The following RPS6KC1 variants were observed in gnomAD, a reference collection of about 807,000 sequenced individuals.
RPS6KC1 encodes ribosomal protein S6 kinase C1, also known as inactive ribosomal protein S6 kinase delta-1.
Under a neutral mutation model 103.8 loss-of-function variants are expected in RPS6KC1, and 54 were observed. The ratio of observed to expected loss-of-function variants is 0.52; its 90% CI spans 0.42 to 0.65. The LOEUF is 0.65. RPS6KC1 is among the 30% of genes least tolerant of loss of function. RPS6KC1 has a pLI of 0.00. For missense variants in RPS6KC1, 1,151 were observed against 1,253.8 expected, an observed-to-expected ratio of 0.92 and a Z score of 1.24; for synonymous variants, 439 against 438.7, an observed-to-expected ratio of 1.00 and a Z score of -0.01.
chr1:213,445,926 C>A, the RPS6KC1 span, among the ~76,000 whole-genome samples: 1 of 152,124 alleles, frequency 6.6e-6, no homozygotes, highest in Non-Finnish European at 1.5e-5. Context: ...CCCTGTGCAC[C>A]GAGGAAGCTG....
At position 213,147,486 on chromosome 1, in the gene RPS6KC1, G is replaced by T. The variant is rs142054632; in HGVS notation, c.835+17597G>T. Among the ~76,000 whole-genome samples, 9 of 152,258 alleles carry T rather than the reference G, an allele frequency of 5.9e-5. No homozygotes were observed. The East Asian group carries it at 1.7e-3, about 29-fold the overall frequency. Reference sequence around the variant, plus strand: ...TTCAGTGTATGTTCTTGGCACCTTTGTCGAAAATGAGTTCACTGTAGGTGT... The same window carrying T: ...TTCAGTGTATGTTCTTGGCACCTTTTTCGAAAATGAGTTCACTGTAGGTGT... On this transcript the variant is annotated intron_variant, in intron 6 of 14. Coordinates refer to ENST00000366960, the MANE Select transcript of RPS6KC1 (RefSeq NM_012424.6).
intron 8 of RPS6KC1, among the ~76,000 whole-genome samples, chr1:213,190,152 T>C (rs2092697195): frequency 6.6e-6 from 1 of 152,172 alleles, no homozygotes. Context: ...TGATTTCCTT[T>C]CTTTTGGGTA....
At chr1:213,469,306 A>G in the RPS6KC1 span, among the ~76,000 whole-genome samples, 3 of 152,346 alleles carry the variant, frequency 2.0e-5, no homozygotes, top group East Asian at 5.8e-4. Context: ...TTCAAAAGTT[A>G]CTGTTAGCTT....
the RPS6KC1 span, among the ~76,000 whole-genome samples, chr1:213,613,763 G>T: frequency 6.6e-6 from 1 of 152,166 alleles, no homozygotes; most frequent in Non-Finnish European, 1.5e-5. Context: ...AGGGCAAAGG[G>T]CAAGTTGGCT....
intron 8 of RPS6KC1, among the ~76,000 whole-genome samples, chr1:213,205,547 G>GATATAGATATATATATATATATATATAT (rs1187996128): frequency 1.7e-4 from 17 of 102,474 alleles, no homozygotes; most frequent in African/African-American, 5.5e-4. Flanking sequence ...TATATATATA[G>GATATAGATATATATATATATATATATAT]ATATATATAT....
intron 6 of RPS6KC1, among the ~76,000 whole-genome samples, chr1:213,132,387 A>C (rs1201446804): frequency 6.6e-6 from 1 of 152,188 alleles, no homozygotes; most frequent in African/African-American, 2.4e-5. Flanking sequence ...TATGGGAACC[A>C]CAATCATAGA....
At chr1:213,151,492 C>T in intron 6 of RPS6KC1, among the ~76,000 whole-genome samples, 1 of 132,570 alleles carries the variant, frequency 7.5e-6, no homozygotes. Context: ...CCACCTCCCT[C>T]CCGGACGGGG....
At chr1:213,162,440 C>A (rs1164713479) in intron 6 of RPS6KC1, among the ~76,000 whole-genome samples, 1 of 151,956 alleles carries the variant, frequency 6.6e-6, no homozygotes, top group Non-Finnish European at 1.5e-5. Flanking sequence ...ACCACCAGGC[C>A]TGGCGAATTA....
In RPS6KC1 at chr1:213,273,926, C is replaced by T. The variant is rs1455206755; in HGVS notation, c.*1292C>T. ...GAAATTTTTGATATGTTCTAATCTT[C>T]TTTGCATTTTTGAGATCTGTGTGAG... On this transcript the variant is annotated 3_prime_UTR_variant, in exon 15 of 15. Coordinates refer to ENST00000366960, the MANE Select transcript of RPS6KC1 (RefSeq NM_012424.6). 6.6e-6 allele frequency: 1 copy of T among 152,078 alleles called. No individual in the cohort carries two copies. The highest frequency in any genetic ancestry group is 1.5e-5 in the Non-Finnish European group (1 of 68,020). 9.4% of individuals were successfully genotyped at this position (152,078 alleles called of 1,614,324 possible).
chr1:213,053,466 C>CACT (rs1273563734), intron 1 of RPS6KC1, among the ~76,000 whole-genome samples: 2 of 152,234 alleles, frequency 1.3e-5, no homozygotes, highest in African/African-American at 4.8e-5. Context: ...TAGATCCAGG[C>CACT]ACTAAATACT....
intron 9 of RPS6KC1, among the ~76,000 whole-genome samples, chr1:213,231,112 T>C (rs2094094301): frequency 1.3e-5 from 2 of 152,206 alleles, no homozygotes; most frequent in Admixed American, 1.3e-4. Context: ...GGAAATAATT[T>C]GGATAAACTG....
chr1:213,127,719 A>G (rs955493414), intron 5 of RPS6KC1, among the ~76,000 whole-genome samples: 17 of 152,218 alleles, frequency 1.1e-4, no homozygotes, highest in Admixed American at 3.3e-4. Flanking sequence ...GGATTTTCAG[A>G]TAACCTCTGT....
chr1:213,183,716 G>C (rs2092397566), intron 8 of RPS6KC1, among the ~76,000 whole-genome samples: 1 of 151,978 alleles, frequency 6.6e-6, no homozygotes, highest in Non-Finnish European at 1.5e-5. Flanking sequence ...TCAAATCTAG[G>C]TTCCTAACTC....
chr1:213,785,197 A>C, the RPS6KC1 span, among the ~76,000 whole-genome samples: 1 of 152,184 alleles, frequency 6.6e-6, no homozygotes, highest in Non-Finnish European at 1.5e-5. Flanking sequence ...CTGTTTTTAC[A>C]AAGCTGTTCG....
At chr1:213,541,248 T>C in the RPS6KC1 span, among the ~76,000 whole-genome samples, 4 of 143,466 alleles carry the variant, frequency 2.8e-5, no homozygotes, top group African/African-American at 1.0e-4. Flanking sequence ...TTTGCTGTCT[T>C]ATATGGGTGC....
rs542266159 is a variant in RPS6KC1, at chr1:213,167,211, A to G, written c.836-647A>G. ...AAACAAGAAAGCAGCTTTCATTCAA[A>G]CCACCTGGTTAGTGATGAGGGGAAG... is the stretch of plus-strand genomic sequence containing the variant. On this transcript the variant is annotated intron_variant, in intron 6 of 14. Transcript: ENST00000366960. 5.3e-5 allele frequency among the ~76,000 whole-genome samples: 8 copies of G among 152,222 alleles called. 1 individual carries two copies. The highest frequency in any genetic ancestry group is 1.9e-4 in the East Asian group (1 of 5,190).
chr1:213,504,690 C>A, the RPS6KC1 span, among the ~76,000 whole-genome samples: 2 of 152,118 alleles, frequency 1.3e-5, no homozygotes, highest in African/African-American at 4.8e-5. Context: ...AAAGTATTAT[C>A]TTTTCTATTA....
chr1:213,651,870 G>A, the RPS6KC1 span, among the ~76,000 whole-genome samples: 1 of 152,176 alleles, frequency 6.6e-6, no homozygotes, highest in South Asian at 2.1e-4. Flanking sequence ...TGTGTGCCGA[G>A]CTCCTTCCCA....
At chr1:213,685,905 G>A in the RPS6KC1 span, among the ~76,000 whole-genome samples, 1 of 152,140 alleles carries the variant, frequency 6.6e-6, no homozygotes, top group African/African-American at 2.4e-5. Flanking sequence ...CAGGTTGATG[G>A]TAAATTGGGA....
Sources: allele counts gnomAD v4.1 joint callset (sites outside exome capture counted in the v4.1 genomes callset), GRCh38; gene constraint gnomAD v4.1.1; transcripts MANE v1.5; gene names NCBI Gene and HGNC (gene_info 2026-07-23, HGNC 2026-07-21).